The following MAMDC2 variants were observed in gnomAD, a reference collection of about 807,000 sequenced individuals.
MAMDC2 encodes the protein MAM domain-containing protein 2.
In MAMDC2, 57 loss-of-function variants were observed where a neutral mutation model predicts 89.8. That is an observed-to-expected ratio of 0.63 (90% CI 0.51 to 0.79). MAMDC2 has a LOEUF of 0.79. MAMDC2 is among the 30% of genes least tolerant of loss of function. The probability of loss-of-function intolerance (pLI) is 0.00; values close to 1 mark genes in which losing one functional copy is unlikely to be tolerated. For missense variants in MAMDC2, 800 were observed against 820.6 expected (o/e 0.97, Z 0.31); for synonymous variants, 313 against 293.4 (o/e 1.07, Z -0.68).
chr9:70,212,645 C>G (rs1173696882), intron 11 of MAMDC2, among the ~76,000 whole-genome samples: 1 of 152,080 alleles, frequency 6.6e-6, no homozygotes, highest in Non-Finnish European at 1.5e-5. Flanking sequence ...CAATAAGCCC[C>G]AGTGAGATGA....
At chr9:70,049,589 G>A (rs1826842663) in intron 2 of MAMDC2, among the ~76,000 whole-genome samples, 2 of 152,112 alleles carry the variant, frequency 1.3e-5, no homozygotes, top group African/African-American at 4.8e-5. Flanking sequence ...ATCTGCATGG[G>A]GCTACTTGGT....
At chr9:70,126,067 T>C (rs2030523076) in intron 5 of MAMDC2, 92 bp from the exon 6 acceptor site, 2 of 1,364,888 alleles carry the variant, frequency 1.5e-6, no homozygotes, top group African/African-American at 1.4e-5. Flanking sequence ...CACTGGATTA[T>C]TTAGAATGCA....
chr9:70,210,934 C>CT (rs1257925282), intron 11 of MAMDC2, among the ~76,000 whole-genome samples: 2 of 152,156 alleles, frequency 1.3e-5, no homozygotes, highest in Non-Finnish European at 2.9e-5. Flanking sequence ...AAATTCTTTT[C>CT]TTTAAGAATG....
At chr9:70,156,604 T>A (rs1292800285) in intron 9 of MAMDC2, among the ~76,000 whole-genome samples, 3 of 152,208 alleles carry the variant, frequency 2.0e-5, no homozygotes, top group African/African-American at 7.2e-5. Flanking sequence ...ACTGACAAGA[T>A]AATCAACACA....
At chr9:70,083,127 A>G (rs1295579376) in intron 2 of MAMDC2, among the ~76,000 whole-genome samples, 1 of 152,202 alleles carries the variant, frequency 6.6e-6, no homozygotes. Flanking sequence ...CAGAAGGCAT[A>G]ATAGCCAACC....
At chr9:70,166,298 CACACACAT>C (rs1304211125) in intron 9 of MAMDC2, among the ~76,000 whole-genome samples, 6 of 73,882 alleles carry the variant, frequency 8.1e-5, no homozygotes, top group African/African-American at 2.1e-4. Context: ...CACACACACA[CACACACAT>C]ATATATATAT....
chr9:70,087,425 T>A (rs1473578487), intron 2 of MAMDC2: 1 of 152,172 alleles, frequency 6.6e-6, no homozygotes, highest in Non-Finnish European at 1.5e-5. Context: ...ACCTTCTTCA[T>A]GGACTCCAGC....
chr9:70,157,478 TG>T (rs2031804159), intron 9 of MAMDC2: 2 of 152,508 alleles, frequency 1.3e-5, no homozygotes, highest in African/African-American at 4.8e-5. Context: ...TGTCTTTCTC[TG>T]GATATTTTCT....
At chr9:70,223,034 G>A (rs1020977714) in intron 12 of MAMDC2, among the ~76,000 whole-genome samples, 1 of 151,236 alleles carries the variant, frequency 6.6e-6, no homozygotes, top group Non-Finnish European at 1.5e-5. Flanking sequence ...AGCTACTAAG[G>A]CGCCTAAGGC....
intron 2 of MAMDC2, among the ~76,000 whole-genome samples, chr9:70,068,221 G>A (rs1333347019): frequency 2.6e-5 from 4 of 152,154 alleles, no homozygotes; most frequent in African/African-American, 9.7e-5. Flanking sequence ...GCTATTTTAT[G>A]AGTATTCTGG....
intron 2 of MAMDC2, among the ~76,000 whole-genome samples, chr9:70,056,531 G>T (rs1827028182): frequency 6.6e-6 from 1 of 152,114 alleles, no homozygotes; most frequent in Admixed American, 6.6e-5. Flanking sequence ...CTTATACATG[G>T]TTCTGTACTG....
In MAMDC2 at chr9:70,192,894, C is replaced by T. The variant is rs141655415; in HGVS notation, c.1651+22263C>T. Reference sequence around the variant, plus strand: ...AATGACTAACAAGTAACATCAAGGGCGAGGGAGGTTCTGGCTAAACCAGCC... The same window carrying T: ...AATGACTAACAAGTAACATCAAGGGTGAGGGAGGTTCTGGCTAAACCAGCC... On this transcript the variant is annotated intron_variant, in intron 11 of 13. Coordinates refer to ENST00000377182, the MANE Select transcript of MAMDC2 (RefSeq NM_153267.5). Among the ~76,000 whole-genome samples, 504 of 151,980 alleles carry T rather than the reference C, an allele frequency of 3.3e-3. 12 individuals are homozygous for T. The highest frequency in any genetic ancestry group is 0.032 in the Admixed American group (480 of 15,236).
intron 2 of MAMDC2, chr9:70,063,053 T>G (rs780313861): frequency 8.5e-5 from 13 of 152,118 alleles, no homozygotes; most frequent in Non-Finnish European, 1.5e-4. Flanking sequence ...GTCAGGAGTT[T>G]GAGACCAGCC....
chr9:70,092,785 T>A (rs944936554), intron 2 of MAMDC2: 1 of 152,220 alleles, frequency 6.6e-6, no homozygotes, highest in African/African-American at 2.4e-5. Context: ...TGTTTTATAT[T>A]CATGAATCTA....
chr9:70,113,547 A>G (rs1174354438), intron 5 of MAMDC2, among the ~76,000 whole-genome samples: 1 of 152,218 alleles, frequency 6.6e-6, no homozygotes, highest in African/African-American at 2.4e-5. Flanking sequence ...GAACTTCCCA[A>G]GTGACAGTGA....
At chr9:70,087,889 C>T (rs938726922) in intron 2 of MAMDC2, among the ~76,000 whole-genome samples, 5 of 152,138 alleles carry the variant, frequency 3.3e-5, no homozygotes, top group Non-Finnish European at 7.4e-5. Context: ...TGTAGGTCCC[C>T]AAACTGCTCT....
chr9:70,182,905 T>A (rs556973713), intron 11 of MAMDC2, among the ~76,000 whole-genome samples: 1 of 152,336 alleles, frequency 6.6e-6, no homozygotes, highest in Admixed American at 6.5e-5. Flanking sequence ...TGAATTTGTT[T>A]GCTCTTGCTT....
intron 2 of MAMDC2, among the ~76,000 whole-genome samples, chr9:70,045,433 C>T (rs972729806): frequency 1.2e-4 from 19 of 152,096 alleles, no homozygotes; most frequent in South Asian, 8.3e-4. Flanking sequence ...CAATGGCAGG[C>T]GGCACTGGGT....
At chr9:70,178,055 C>T (rs1390211557) in intron 11 of MAMDC2, among the ~76,000 whole-genome samples, 1 of 152,176 alleles carries the variant, frequency 6.6e-6, no homozygotes, top group East Asian at 1.9e-4. Context: ...GTATCCTACA[C>T]CCCACAAAAG....
Sources: gnomAD v4.1 joint callset for allele counts (sites outside exome capture counted in the v4.1 genomes callset) on GRCh38, gnomAD v4.1.1 for gene constraint, MANE v1.5 for transcripts, NCBI Gene and HGNC (gene_info 2026-07-23, HGNC 2026-07-21) for gene names.